GNAQ: variants seen among roughly 807,000 people sequenced by gnomAD.
GNAQ encodes guanine nucleotide-binding protein G(q) subunit alpha.
Under a neutral mutation model 43.9 loss-of-function variants are expected in GNAQ, and 8 were observed. That is an observed-to-expected ratio of 0.18 (90% CI 0.11 to 0.33). The LOEUF (loss-of-function observed/expected upper bound fraction) is 0.33, where lower values mean the gene tolerates loss of function less well. GNAQ is among the 10% of genes least tolerant of loss of function. The pLI is 1.00. For synonymous variants in GNAQ, 155 were observed against 170.7 expected, an observed-to-expected ratio of 0.91 and a Z score of 0.71; for missense variants, 158 against 450.8, an observed-to-expected ratio of 0.35 and a Z score of 5.88.
chr9:77,810,738 T>C (rs191805973), intron 3 of GNAQ, among the ~76,000 whole-genome samples: 3 of 152,292 alleles, frequency 2.0e-5, no homozygotes, highest in East Asian at 1.9e-4. Context: ...TATTATTTCA[T>C]GAAACAATCA....
chr9:77,982,710 T>C (rs72738418), intron 1 of GNAQ, among the ~76,000 whole-genome samples: 1,531 of 149,618 alleles, frequency 0.01, 12 homozygotes, highest in Middle Eastern at 0.028. Context: ...CCTCTACCTG[T>C]ATCGAACTGT....
rs1825290808 is a variant in GNAQ at position 77,720,342 on chromosome 9, A to G, written c.*981T>C. 1 of 233,460 alleles carries G rather than the reference A, an allele frequency of 4.3e-6. No individual in the cohort carries two copies. The highest frequency in any genetic ancestry group is 8.5e-6 in the Non-Finnish European group (1 of 117,992). The allele number at this position is 233,460 out of a possible 1,614,324, so 14.5% of individuals were successfully genotyped here. On this transcript the variant is annotated 3_prime_UTR_variant, in exon 7 of 7. Transcript: ENST00000286548. The stretch of plus-strand genomic sequence containing the variant: ...GCTTTGGCAACACATACCCATAATA[A>G]AAGTCATTTTAAAATCGTGGCCCAA...
intron 3 of GNAQ, among the ~76,000 whole-genome samples, chr9:77,800,439 T>C (rs991668498): frequency 6.6e-6 from 1 of 151,846 alleles, no homozygotes; most frequent in Non-Finnish European, 1.5e-5. Context: ...TGGATGAAAT[T>C]GGAAATCATC....
At chr9:77,816,944 G>A (rs550448317) in intron 2 of GNAQ, among the ~76,000 whole-genome samples, 8 of 152,258 alleles carry the variant, frequency 5.3e-5, no homozygotes, top group Admixed American at 5.2e-4. Flanking sequence ...AACACACTAA[G>A]ACTGAAGAAA....
At chr9:77,798,270 T>C (rs557590201) in intron 3 of GNAQ, among the ~76,000 whole-genome samples, 1 of 152,216 alleles carries the variant, frequency 6.6e-6, no homozygotes, top group African/African-American at 2.4e-5. Context: ...CTTAACTTTA[T>C]ATTTATCTAG....
chr9:77,750,345 C>T lies in GNAQ; in HGVS notation c.736-21678G>A, dbSNP rs1042079375. On this transcript the variant is annotated intron_variant, in intron 5 of 6. Transcript: ENST00000286548. ...ACCAAGCAAACAAAGCATTCTGCCT[C>T]TTCCATGCAGTTTTAATCATAATAC... is the stretch of plus-strand genomic sequence containing the variant. Among the ~76,000 whole-genome samples the T allele has an allele frequency of 2.2e-4, 34 of 152,292 alleles. 1 individual carries two copies. The highest frequency in any genetic ancestry group is 8.2e-4 in the African/African-American group (34 of 41,558).
intron 3 of GNAQ, among the ~76,000 whole-genome samples, chr9:77,810,207 C>CATCT (rs10578686): frequency 0.02 from 2,903 of 144,938 alleles, 36 homozygotes; most frequent in East Asian, 0.037. Flanking sequence ...AACTGTCAAT[C>CATCT]ATCTATCTAT....
chr9:77,947,642 A>G (rs753153048), intron 1 of GNAQ, among the ~76,000 whole-genome samples: 1 of 152,202 alleles, frequency 6.6e-6, no homozygotes, highest in Admixed American at 6.5e-5. Context: ...TGAAATTCCC[A>G]TGGCTGGAGA....
intron 5 of GNAQ, among the ~76,000 whole-genome samples, chr9:77,752,883 G>A (rs1340956823): frequency 6.6e-6 from 1 of 152,066 alleles, no homozygotes; most frequent in Non-Finnish European, 1.5e-5. Context: ...TCAGGAGATT[G>A]AGGCCATGCT....
At chr9:77,837,108 C>T (rs1339334648) in intron 2 of GNAQ, among the ~76,000 whole-genome samples, 4 of 152,112 alleles carry the variant, frequency 2.6e-5, no homozygotes, top group Non-Finnish European at 5.9e-5. Flanking sequence ...TTTCTTTCTA[C>T]TACTTCTTAG....
At chr9:77,789,904 AG>A (rs1223552673) in intron 5 of GNAQ, among the ~76,000 whole-genome samples, 4 of 152,162 alleles carry the variant, frequency 2.6e-5, no homozygotes, top group Non-Finnish European at 4.4e-5. Context: ...ACTTCCTTCT[AG>A]CGTAAGGGAA....
chr9:77,992,549 A>T (rs573643380), intron 1 of GNAQ, among the ~76,000 whole-genome samples: 156 of 152,350 alleles, frequency 1.0e-3, no homozygotes, highest in Middle Eastern at 3.4e-3. Context: ...ATTCCTCAAA[A>T]ATAAAGACAG....
At chr9:77,954,171 C>G (rs1179787803) in intron 1 of GNAQ, among the ~76,000 whole-genome samples, 1 of 152,176 alleles carries the variant, frequency 6.6e-6, no homozygotes, top group Admixed American at 6.5e-5. Flanking sequence ...AATGCCATCA[C>G]GTACACAGCA....
intron 1 of GNAQ, among the ~76,000 whole-genome samples, chr9:77,943,942 C>T (rs1829350866): frequency 6.6e-6 from 1 of 152,152 alleles, no homozygotes; most frequent in Non-Finnish European, 1.5e-5. Flanking sequence ...GCTGGGATTA[C>T]AGGCGTGAGA....
At chr9:77,931,954 T>A (rs1258469536) in intron 1 of GNAQ, among the ~76,000 whole-genome samples, 1 of 152,002 alleles carries the variant, frequency 6.6e-6, no homozygotes, top group African/African-American at 2.4e-5. Flanking sequence ...CAGGGCAGGG[T>A]TGGGTGGGGG....
chr9:78,029,840 C>G (rs1824027564), intron 1 of GNAQ, among the ~76,000 whole-genome samples: 1 of 152,156 alleles, frequency 6.6e-6, no homozygotes, highest in Admixed American at 6.5e-5. Flanking sequence ...GTTTGAGAAA[C>G]ACATTTATTA....
intron 2 of GNAQ, among the ~76,000 whole-genome samples, chr9:77,855,811 T>C (rs560931512): frequency 3.9e-4 from 59 of 152,256 alleles, no homozygotes; most frequent in Middle Eastern, 6.8e-3. Flanking sequence ...TGACTGGCTA[T>C]AATATAACCA....
At chr9:77,727,586 T>A (rs536616505) in intron 6 of GNAQ, among the ~76,000 whole-genome samples, 2 of 152,266 alleles carry the variant, frequency 1.3e-5, no homozygotes, top group East Asian at 3.9e-4. Flanking sequence ...TTACTATTAG[T>A]AATGGTGGTG....
intron 2 of GNAQ, among the ~76,000 whole-genome samples, chr9:77,911,850 C>T (rs1828810805): frequency 6.6e-6 from 1 of 152,078 alleles, no homozygotes; most frequent in Admixed American, 6.6e-5. Flanking sequence ...CATCACCCTT[C>T]ATAAATAAGG....
Sources: gnomAD v4.1 joint callset for allele counts (sites outside exome capture counted in the v4.1 genomes callset) on GRCh38, gnomAD v4.1.1 for gene constraint, MANE v1.5 for transcripts, NCBI Gene and HGNC (gene_info 2026-07-23, HGNC 2026-07-21) for gene names.